HSPG2: variants seen among roughly 807,000 people sequenced by gnomAD.
The protein encoded by HSPG2 is heparan sulfate proteoglycan 2.
HSPG2 carries 278 observed loss-of-function variants against 526.6 expected under a neutral mutation model. The observed-to-expected ratio is 0.53, with a 90% CI of 0.48 to 0.58. The LOEUF (loss-of-function observed/expected upper bound fraction) is 0.58, where lower values mean the gene tolerates loss of function less well. Among genes scored for constraint, HSPG2 ranks in the 20% least tolerant of loss-of-function variants. The pLI, the probability that HSPG2 is intolerant of heterozygous loss-of-function variation, is 0.00. For synonymous variants in HSPG2, 2,465 were observed against 2,555.4 expected, an observed-to-expected ratio of 0.96 and a Z score of 1.07; for missense variants, 5,354 against 6,099.5, an observed-to-expected ratio of 0.88 and a Z score of 4.07.
chr1:21,838,663 T>C (rs1376453965), intron 74 of HSPG2, among the ~76,000 whole-genome samples, 162 bp downstream of exon 74: 1 of 152,164 alleles, frequency 6.6e-6, no homozygotes, highest in Non-Finnish European at 1.5e-5. Flanking sequence ...GAGGGCTTCC[T>C]GGAGGTGGCA....
chr1:21,853,279 T>C (rs532859444), intron 50 of HSPG2, among the ~76,000 whole-genome samples: 42 of 152,288 alleles, frequency 2.8e-4, no homozygotes, highest in African/African-American at 6.5e-4. Flanking sequence ...TGGAGGCCCA[T>C]TGACCCACCC....
chr1:21,885,235 G>A, intron 10 of HSPG2, 78 bp from the exon 11 acceptor site: 1 of 1,607,180 alleles, frequency 6.2e-7, no homozygotes, highest in Non-Finnish European at 8.5e-7. Context: ...GGGGCTAGGA[G>A]GGAGAAGGGT....
Position 21,859,712 on chromosome 1 carries a change from T to C in HSPG2, c.5183-36A>G. 4 of 1,587,164 alleles carry C rather than the reference T, an allele frequency of 2.5e-6. No homozygotes were observed. Among genetic ancestry groups the C allele is most frequent in the Non-Finnish European group, 3.4e-6 (4 of 1,165,248 alleles). ...GGAGACAAGAGCTTGTTGGTGCAGA[T>C]ACACTCTTTCTCACATCCAGCCCCA... On this transcript the variant is annotated intron_variant, in intron 41 of 96. Coordinates refer to ENST00000374695, the MANE Select transcript of HSPG2 (RefSeq NM_005529.7). This position sits in a 1 kb window ranked among gnomAD's most constrained non-coding sequence, Gnocchi z 5.3.
chr1:21,880,876 C>T, intron 14 of HSPG2, 41 bp from the exon 15 acceptor site: 1 of 1,551,536 alleles, frequency 6.4e-7, no homozygotes, highest in Non-Finnish European at 8.7e-7. Context: ...GCTGTGGGCA[C>T]ACTTGACACC....
At chr1:21,917,326 G>A (rs1295831849) in intron 1 of HSPG2, among the ~76,000 whole-genome samples, 5 of 151,908 alleles carry the variant, frequency 3.3e-5, no homozygotes, top group East Asian at 1.9e-4. Context: ...CCAGCTACTC[G>A]GGAGGCTGAG....
Position 21,848,042 on chromosome 1 carries a change from C to T in HSPG2, c.7789G>A (p.Glu2597Lys), listed in dbSNP as rs146552423. ...IPQVTPADSG[E>K]YVCHVSNGAG... is the part of the protein sequence containing the mutation. ...CCGTTACTGACGTGACACACGTACTCGCCCGAGTCTGCCGGAGTCACCTGA... is the reference window on the plus strand; with the variant it reads ...CCGTTACTGACGTGACACACGTACTTGCCCGAGTCTGCCGGAGTCACCTGA... Residue 2597 changes from glutamate (E) to lysine (K), a missense_variant, in exon 60 of 97, where the codon GAG becomes AAG. Glu to Lys is a moderately conservative substitution (Grantham distance 56, BLOSUM62 1). Coordinates refer to ENST00000374695, the MANE Select transcript of HSPG2 (RefSeq NM_005529.7). The surrounding 1 kb of genome is among the most constrained non-coding windows in gnomAD (Gnocchi z 4.9). 69 of 1,613,246 alleles carry T rather than the reference C, an allele frequency of 4.3e-5. No homozygotes were observed. The highest frequency in any genetic ancestry group is 1.6e-4 in the Middle Eastern group (1 of 6,084).
Position 21,856,480 on chromosome 1 carries a change from C to T in HSPG2, c.5575+535G>A, listed in dbSNP as rs571332914. ...TCACCCAGGCTGGAGTGCAGTGGCG[C>T]GATCTCGGCTCACTGCAACCTAAGC... On this transcript the variant is annotated intron_variant, in intron 44 of 96. Transcript: ENST00000374695. 7.2e-5 allele frequency among the ~76,000 whole-genome samples: 11 copies of T among 152,188 alleles called. No individual in the cohort carries two copies. The East Asian group carries it at 1.4e-3, about 19-fold the overall frequency.
chr1:21,829,253 G>T, intron 87 of HSPG2, 130 bp downstream of exon 87: 1 of 1,348,788 alleles, frequency 7.4e-7, no homozygotes, highest in East Asian at 2.5e-5. Context: ...ACACAGAGAC[G>T]AAATGCACAG....
Position 21,853,127 on chromosome 1 carries a change from T to C in HSPG2, c.6440-57A>G, listed in dbSNP as rs540833248. 1.1e-5 allele frequency: 17 copies of C among 1,607,000 alleles called. No homozygotes were observed. In the South Asian group the frequency reaches 1.4e-4, roughly 14 times the overall value. ...ACTCTTGGGCTGTAACCTGTAGCCCTGGGGCAGAAGGCTCTGGGCTGTGAC... is the reference window on the plus strand; with the variant it reads ...ACTCTTGGGCTGTAACCTGTAGCCCCGGGGCAGAAGGCTCTGGGCTGTGAC... On this transcript the variant is annotated intron_variant, in intron 50 of 96. Coordinates refer to ENST00000374695, the MANE Select transcript of HSPG2 (RefSeq NM_005529.7).
At chr1:21,876,451 T>C in intron 22 of HSPG2, 46 bp from the exon 23 acceptor site, 1 of 1,612,300 alleles carries the variant, frequency 6.2e-7, no homozygotes, top group Non-Finnish European at 8.5e-7. Flanking sequence ...GGCCTGGGAC[T>C]GGCGCTTGGT....
chr1:21,831,132 A>AC (rs923040913), intron 84 of HSPG2, 42 bp from the exon 85 acceptor site: 1 of 1,604,196 alleles, frequency 6.2e-7, no homozygotes, highest in Non-Finnish European at 8.5e-7. Context: ...AACATTCAGT[A>AC]CCCCCCATAA....
rs1404564354 is a variant in HSPG2 at position 21,890,428 on chromosome 1, T to G, written c.412A>C (p.Lys138Gln). 3 of 1,613,748 alleles carry G rather than the reference T, an allele frequency of 1.9e-6. No homozygotes were observed. The highest frequency in any genetic ancestry group is 1.7e-5 in the Admixed American group (1 of 59,978). Residue 138 changes from lysine to glutamine, a missense_variant and splice_region_variant, in exon 5 of 97, where the codon AAG becomes CAG. By Grantham distance (53) the Lys-to-Gln change is moderately conservative. Transcript: ENST00000374695. This position sits in a 1 kb window ranked among gnomAD's most constrained non-coding sequence, Gnocchi z 4.1. ...AGCCCCCAGGGAGCCCCTTCTCACT[T>G]GATGAACACCACACTGACAACCTGG... ...GDQVVSVVFI[K>Q]ELDGWVFVEL...
intron 1 of HSPG2, among the ~76,000 whole-genome samples, chr1:21,916,267 C>G (rs186955383): frequency 6.6e-6 from 1 of 151,074 alleles, no homozygotes; most frequent in Non-Finnish European, 1.5e-5. Flanking sequence ...TTTGGGAGAC[C>G]GAGGCGGGTG....
At position 21,854,842 on chromosome 1, in the gene HSPG2, C is replaced by T; in HGVS notation, c.6133+6G>A. ...CCCCACCCCTCCATTCCCAGAGAGT[C>T]CGTACCTGAAAGGACAACCACTTGG... is the stretch of plus-strand genomic sequence containing the variant. On this transcript the variant is annotated splice_donor_region_variant and intron_variant, in intron 48 of 96. Transcript: ENST00000374695. 6.2e-7 allele frequency: 1 copy of T among 1,613,776 alleles called. No individual in the cohort carries two copies. The highest frequency in any genetic ancestry group is 8.5e-7 in the Non-Finnish European group (1 of 1,179,874).
Position 21,857,326 on chromosome 1 carries a change from G to C in HSPG2, c.5353C>G (p.Pro1785Ala), listed in dbSNP as rs1366740415. The change falls in exon 43 of 97, where the codon CCC becomes GCC. Residue 1785 changes from proline (P) to alanine (A), a missense_variant. Coordinates refer to ENST00000374695, the MANE Select transcript of HSPG2 (RefSeq NM_005529.7). Reference protein sequence around the residue: ...VEEQRSQSVRPGADVTFICTA... With the variant: ...VEEQRSQSVRAGADVTFICTA... ...CAGATGAAGGTGACGTCAGCTCCGG[G>C]GCGCACGCTCTGGCTCCGCTGCTCC... is the stretch of plus-strand genomic sequence containing the variant. 1 of 1,614,042 alleles carries C rather than the reference G, an allele frequency of 6.2e-7. No homozygotes were observed. The highest frequency in any genetic ancestry group is 2.2e-5 in the East Asian group (1 of 44,874).
At chr1:21,844,948 A>T (rs1036335896) in intron 64 of HSPG2, among the ~76,000 whole-genome samples, 4 of 152,164 alleles carry the variant, frequency 2.6e-5, no homozygotes, top group African/African-American at 4.8e-5. Context: ...GATTCACTTT[A>T]AAAAAGCCTT....
chr1:21,903,242 C>A (rs1643193226), intron 1 of HSPG2, among the ~76,000 whole-genome samples: 1 of 152,136 alleles, frequency 6.6e-6, no homozygotes, highest in Non-Finnish European at 1.5e-5. Flanking sequence ...GCCCTGAAAT[C>A]CGTTCCAAGA....
chr1:21,933,775 A>C (rs1359530297), intron 1 of HSPG2, among the ~76,000 whole-genome samples: 1 of 152,190 alleles, frequency 6.6e-6, no homozygotes, highest in Non-Finnish European at 1.5e-5. Flanking sequence ...GGGAATGTCC[A>C]GGGCACACTC....
At chr1:21,884,976 C>T in intron 11 of HSPG2, 37 bp downstream of exon 11, 1 of 1,613,922 alleles carries the variant, frequency 6.2e-7, no homozygotes, top group Non-Finnish European at 8.5e-7. Flanking sequence ...CCAGCTGCCC[C>T]TCATTCCCAC....
Sources: allele counts gnomAD v4.1 joint callset (sites outside exome capture counted in the v4.1 genomes callset), GRCh38; gene constraint gnomAD v4.1.1; non-coding constraint Gnocchi (gnomAD v3.1); transcripts MANE v1.5; gene names NCBI Gene and HGNC (gene_info 2026-07-23, HGNC 2026-07-21).